The following MYO16 variants were observed in gnomAD, a reference collection of about 807,000 sequenced individuals.
The protein encoded by MYO16 is unconventional myosin-XVI.
MYO16 carries 94 observed loss-of-function variants against 205.3 expected under a neutral mutation model. That is an observed-to-expected ratio of 0.46 (90% CI 0.39 to 0.54). The LOEUF is 0.54. Among genes scored for constraint, MYO16 ranks in the 20% least tolerant of loss-of-function variants. MYO16 has a pLI of 0.00. For synonymous variants in MYO16, 988 were observed against 954.0 expected, an observed-to-expected ratio of 1.04 and a Z score of -0.66; for missense variants, 2,315 against 2,387.5, an observed-to-expected ratio of 0.97 and a Z score of 0.63.
At chr13:108,699,880 G>A (rs1375908602) in intron 2 of MYO16, among the ~76,000 whole-genome samples, 1 of 151,818 alleles carries the variant, frequency 6.6e-6, no homozygotes, top group Non-Finnish European at 1.5e-5. Context: ...ATATTTTTAG[G>A]GACTCTTCTG....
intron 22 of MYO16, among the ~76,000 whole-genome samples, chr13:109,011,498 C>CTTTTTTTTTTTTTTTTTTTTT (rs34575828): frequency 3.7e-4 from 48 of 129,908 alleles, no homozygotes; most frequent in Non-Finnish European, 4.8e-4. Flanking sequence ...TTCTTCCTTT[C>CTTTTTTTTTTTTTTTTTTTTT]TTTTTTTTTT....
chr13:108,693,271 G>A (rs1882968849), intron 2 of MYO16, among the ~76,000 whole-genome samples: 1 of 152,172 alleles, frequency 6.6e-6, no homozygotes, highest in Non-Finnish European at 1.5e-5. Flanking sequence ...ATTTTGAAGT[G>A]TATAATTCAG....
chr13:109,093,405 G>C (rs1271204202), intron 27 of MYO16, among the ~76,000 whole-genome samples: 1 of 152,160 alleles, frequency 6.6e-6, no homozygotes, highest in East Asian at 1.9e-4. Flanking sequence ...GCAGTAAAGA[G>C]ACCAGCCACA....
chr13:109,050,951 C>T (rs1160909105), intron 24 of MYO16, among the ~76,000 whole-genome samples: 1 of 151,716 alleles, frequency 6.6e-6, no homozygotes, highest in Non-Finnish European at 1.5e-5. Context: ...TAGAATCAGA[C>T]ATTTGTTCAG....
chr13:108,608,987 AT>A (rs963186701), intron 1 of MYO16, among the ~76,000 whole-genome samples: 4 of 152,114 alleles, frequency 2.6e-5, no homozygotes, highest in Non-Finnish European at 4.4e-5. Flanking sequence ...ATGTAAAAAA[AT>A]TTTTTAATCT....
chr13:108,615,498 T>C (rs559086244), intron 1 of MYO16, among the ~76,000 whole-genome samples: 5 of 152,076 alleles, frequency 3.3e-5, no homozygotes, highest in Non-Finnish European at 7.4e-5. Flanking sequence ...AACCTGAACA[T>C]GAATGAATAT....
At chr13:108,535,381 G>A in the MYO16 span, among the ~76,000 whole-genome samples, 71 of 152,302 alleles carry the variant, frequency 4.7e-4, no homozygotes, top group African/African-American at 1.3e-3. Context: ...GCCTGGGGCT[G>A]GCATGGTGGT....
the MYO16 span, among the ~76,000 whole-genome samples, chr13:108,545,474 T>G: frequency 3.9e-5 from 6 of 152,190 alleles, no homozygotes; most frequent in African/African-American, 1.4e-4. Flanking sequence ...TACGAGTACA[T>G]GTGCCTTTAT....
intron 1 of MYO16, among the ~76,000 whole-genome samples, chr13:108,657,584 TG>T (rs1275941630): frequency 3.3e-5 from 5 of 152,320 alleles, no homozygotes; most frequent in African/African-American, 7.2e-5. Context: ...ACTTAATCAA[TG>T]TTTTTTTATC....
chr13:108,764,202 T>G (rs1180890028), intron 4 of MYO16, among the ~76,000 whole-genome samples: 3 of 152,156 alleles, frequency 2.0e-5, no homozygotes, highest in Non-Finnish European at 4.4e-5. Context: ...CATTTTACTG[T>G]GTGAAACATT....
At chr13:108,593,181 A>G (rs9520949), upstream of MYO16, among the ~76,000 whole-genome samples, 56,276 of 152,072 alleles carry the variant, frequency 0.37, 11,712 homozygotes, top group Non-Finnish European at 0.47. Context: ...TGCTTCAGAA[A>G]TGGAAAATTT....
intron 15 of MYO16, among the ~76,000 whole-genome samples, chr13:108,898,492 T>C (rs1221189047): frequency 6.6e-6 from 1 of 152,092 alleles, no homozygotes; most frequent in Non-Finnish European, 1.5e-5. Context: ...TTGTATGGGC[T>C]ATATAATGAG....
chr13:108,945,763 A>G (rs948361930), intron 16 of MYO16, among the ~76,000 whole-genome samples: 4 of 152,216 alleles, frequency 2.6e-5, no homozygotes, highest in African/African-American at 9.6e-5. Flanking sequence ...GGTACAGCCT[A>G]TATTTGAATA....
At chr13:108,861,896 T>C (rs58533479) in intron 11 of MYO16, among the ~76,000 whole-genome samples, 3,277 of 152,224 alleles carry the variant, frequency 0.022, 202 homozygotes, top group East Asian at 0.21. Context: ...TGGCTTGTAT[T>C]GTACTCTTCA....
chr13:108,654,661 C>T (rs1370930688), intron 1 of MYO16, among the ~76,000 whole-genome samples: 4 of 152,112 alleles, frequency 2.6e-5, no homozygotes, highest in Admixed American at 2.6e-4. Context: ...CAGAAGAAAA[C>T]AGGAAAATGT....
chr13:108,543,902 C>A, the MYO16 span, among the ~76,000 whole-genome samples: 1 of 150,490 alleles, frequency 6.6e-6, no homozygotes, highest in Non-Finnish European at 1.5e-5. Flanking sequence ...CCCCTCTCTA[C>A]TAAAAATACA....
At chr13:108,925,008 G>A (rs1881925625) in intron 16 of MYO16, among the ~76,000 whole-genome samples, 1 of 152,124 alleles carries the variant, frequency 6.6e-6, no homozygotes, top group African/African-American at 2.4e-5. Context: ...ATAGAAGGTG[G>A]GAGTTCATGG....
In MYO16 at chr13:108,861,459, T is replaced by C. The variant is rs185749796; in HGVS notation, c.1360-4718T>C. 1.6e-4 allele frequency among the ~76,000 whole-genome samples: 25 copies of C among 152,340 alleles called. No individual in the cohort carries two copies. In the East Asian group the frequency reaches 2.1e-3, roughly 13 times the overall value. The stretch of plus-strand genomic sequence containing the variant: ...TGAGTTGTTTCCACTTTTTTAGTAA[T>C]TACGAATAATATAAACAGTTTTGCA... On this transcript the variant is annotated intron_variant, in intron 11 of 34. Transcript: ENST00000457511.
intron 4 of MYO16, among the ~76,000 whole-genome samples, chr13:108,750,617 A>G (rs1422102827): frequency 8.2e-4 from 1 of 1,220 alleles, no homozygotes; most frequent in Non-Finnish European, 0.083. Flanking sequence ...AAAACTACAG[A>G]AAAAAAAAAA....
Sources: gnomAD v4.1 joint callset for allele counts (sites outside exome capture counted in the v4.1 genomes callset) on GRCh38, gnomAD v4.1.1 for gene constraint, MANE v1.5 for transcripts, NCBI Gene and HGNC (gene_info 2026-07-23, HGNC 2026-07-21) for gene names.